ITIH5: variants seen among roughly 807,000 people sequenced by gnomAD.
ITIH5 encodes the protein inter-alpha-trypsin inhibitor heavy chain H5.
Under a neutral mutation model 77.5 loss-of-function variants are expected in ITIH5, and 65 were observed. The ratio of observed to expected loss-of-function variants is 0.84; its 90% confidence interval spans 0.69 to 1.03. ITIH5 has a LOEUF of 1.03. Among genes scored for constraint, ITIH5 ranks in the 50% least tolerant of loss-of-function variants. ITIH5 has a pLI of 0.00. For synonymous variants in ITIH5, 525 were observed against 494.3 expected (o/e 1.06, Z -0.82); for missense variants, 1,208 against 1,213.1 (o/e 1.00, Z 0.06).
chr10:7,612,592 T>C (rs549870305), intron 7 of ITIH5, among the ~76,000 whole-genome samples: 1 of 151,162 alleles, frequency 6.6e-6, no homozygotes, highest in South Asian at 2.1e-4. Context: ...AATTTAATCA[T>C]AAATATCTTC....
chr10:7,640,703 G>T, intron 4 of ITIH5, 51 bp downstream of exon 4: 2 of 1,140,008 alleles, frequency 1.8e-6, no homozygotes, highest in Non-Finnish European at 1.3e-6. Context: ...CATAGAAAAT[G>T]TGGCACTTTG....
Position 7,616,060 on chromosome 10 carries a change from T to C in ITIH5, c.861A>G (p.Lys287=). 1 of 1,613,082 alleles carries C rather than the reference T, an allele frequency of 6.2e-7. No homozygotes were observed. The highest frequency in any genetic ancestry group is 1.1e-5 in the South Asian group (1 of 91,026). ...NGYFVHYFAP[K]DLPPLPKNVV... is the part of the protein sequence containing the mutation. ...CATTCTTGGGTAAAGGAGGAAGGTCTTTAGGAGCAAAGTAGTGCACAAAAT... is the reference window on the plus strand; with the variant it reads ...CATTCTTGGGTAAAGGAGGAAGGTCCTTAGGAGCAAAGTAGTGCACAAAAT... Residue 287 remains lysine, a synonymous_variant, in exon 7 of 14, where the codon AAA becomes AAG. Transcript: ENST00000397146.
chr10:7,570,155 C>A (rs1388116379), intron 11 of ITIH5: 1 of 161,724 alleles, frequency 6.2e-6, no homozygotes, highest in African/African-American at 2.4e-5. Context: ...GGGGGACATC[C>A]CTTGCTATTT....
At chr10:7,602,475 T>G (rs928124143) in intron 7 of ITIH5, among the ~76,000 whole-genome samples, 1 of 152,198 alleles carries the variant, frequency 6.6e-6, no homozygotes, top group Non-Finnish European at 1.5e-5. Context: ...GCTGTTCTCA[T>G]GATAATGAGT....
intron 7 of ITIH5, among the ~76,000 whole-genome samples, chr10:7,589,592 G>T (rs1340689674): frequency 6.6e-6 from 1 of 151,956 alleles, no homozygotes; most frequent in African/African-American, 2.4e-5. Context: ...AACAGCAATG[G>T]AGTGCTCCTT....
chr10:7,624,784 T>TA (rs112757694), intron 5 of ITIH5, among the ~76,000 whole-genome samples: 1,442 of 31,768 alleles, frequency 0.045, 111 homozygotes, highest in African/African-American at 0.14. Flanking sequence ...AGACTCTGCC[T>TA]AAAAAAAAAA....
At chr10:7,652,397 A>C (rs1167798562) in intron 2 of ITIH5, among the ~76,000 whole-genome samples, 2 of 152,124 alleles carry the variant, frequency 1.3e-5, no homozygotes, top group Non-Finnish European at 2.9e-5. Flanking sequence ...CGCATCACGC[A>C]GGGTTTCACA....
intron 7 of ITIH5, among the ~76,000 whole-genome samples, chr10:7,604,156 G>C (rs1476533656): frequency 1.3e-5 from 2 of 152,120 alleles, no homozygotes; most frequent in Non-Finnish European, 1.5e-5. Context: ...ATGCTTCCAG[G>C]CTATTTGATT....
Position 7,629,457 on chromosome 10 carries a change from A to C in ITIH5, c.652+7771T>G, listed in dbSNP as rs202122352. Among the ~76,000 whole-genome samples, 5 of 140,008 alleles carry C rather than the reference A, an allele frequency of 3.6e-5. No individual in the cohort carries two copies. In the East Asian group the frequency reaches 1.1e-3, roughly 30 times the overall value. 91.9% of individuals were successfully genotyped at this position (140,008 alleles called of 152,430 possible). ...TGTTGTGGCATGCATCCATGTTATC[A>C]TATGTATCTGTGTTTTCGCATGTGT... On this transcript the variant is annotated intron_variant, in intron 5 of 13. Coordinates refer to ENST00000397146, the MANE Select transcript of ITIH5 (RefSeq NM_030569.7).
Position 7,565,410 on chromosome 10 carries a change from TAGAC to T in ITIH5, c.2527+616_2527+619del, listed in dbSNP as rs201168563. On this transcript the variant is annotated intron_variant, in intron 13 of 13. Coordinates refer to ENST00000397146, the MANE Select transcript of ITIH5 (RefSeq NM_030569.7). ...TACACACATATCATGCACACATACA[TAGAC>T]AGTATACATACATATATACACATAG... 5.5e-3 allele frequency among the ~76,000 whole-genome samples: 811 copies of T among 147,300 alleles called. 11 individuals are homozygous for T. Among genetic ancestry groups the T allele is most frequent in the African/African-American group, 0.02 (772 of 38,488 alleles).
At chr10:7,628,490 T>C (rs960129467) in intron 5 of ITIH5, among the ~76,000 whole-genome samples, 3 of 147,264 alleles carry the variant, frequency 2.0e-5, no homozygotes, top group Admixed American at 6.9e-5. Context: ...GTGTCTGTGT[T>C]ATAGTGTGTA....
At chr10:7,565,083 T>TAC (rs60129280) in intron 13 of ITIH5, among the ~76,000 whole-genome samples, 8 of 136,156 alleles carry the variant, frequency 5.9e-5, no homozygotes, top group African/African-American at 2.6e-4. Flanking sequence ...TATATATATA[T>TAC]ACACACACAC....
In ITIH5 at chr10:7,559,847, T is replaced by TG. The variant is rs1355451031; in HGVS notation, c.*3235_*3236insC. 1 of 443,480 alleles carries TG rather than the reference T, an allele frequency of 2.3e-6. No individual in the cohort carries two copies. The highest frequency in any genetic ancestry group is 2.2e-5 in the African/African-American group (1 of 45,240). 27.5% of individuals were successfully genotyped at this position (443,480 alleles called of 1,614,324 possible). Reference sequence around the variant, plus strand: ...AAAACACCATCTCTCCCATGTCTTTTTTTTGTTTTGTTTTGTTTTTTTTTG... The same window carrying TG: ...AAAACACCATCTCTCCCATGTCTTTTGTTTTGTTTTGTTTTGTTTTTTTTTG... On this transcript the variant is annotated 3_prime_UTR_variant, in exon 14 of 14. Transcript: ENST00000397146.
rs1313695949 is a variant in ITIH5, at chr10:7,572,043, G to A, written c.2032+1099C>T. 3 of 1,011,042 alleles carry A rather than the reference G, an allele frequency of 3.0e-6. No homozygotes were observed. In the East Asian group the frequency reaches 2.9e-4, roughly 97 times the overall value. 62.6% of individuals were successfully genotyped at this position (1,011,042 alleles called of 1,614,324 possible). A position where few individuals can be genotyped will look rare whatever the true frequency, so the allele number is the denominator to read the frequency against. On this transcript the variant is annotated intron_variant, in intron 11 of 13. Coordinates refer to ENST00000397146, the MANE Select transcript of ITIH5 (RefSeq NM_030569.7). Reference sequence around the variant, plus strand: ...GAAAGATAGTGCTTGCTCCAAAAAAGAGGGGAGGGTCAAAAAGTCATTACT... The same window carrying A: ...GAAAGATAGTGCTTGCTCCAAAAAAAAGGGGAGGGTCAAAAAGTCATTACT...
chr10:7,614,765 AAAG>A (rs1295495193), intron 7 of ITIH5, among the ~76,000 whole-genome samples: 1 of 152,230 alleles, frequency 6.6e-6, no homozygotes, highest in East Asian at 1.9e-4. Flanking sequence ...ATAAATGGCC[AAAG>A]AAGCCATTTA....
chr10:7,666,743 G>C (rs1834367917), intron 1 of ITIH5, 60 bp downstream of exon 1: 1 of 1,416,358 alleles, frequency 7.1e-7, no homozygotes, highest in East Asian at 2.4e-5. Flanking sequence ...TCCGCGGCCG[G>C]GCCGGCGGAG....
rs987008363 is a variant in ITIH5 at position 7,561,636 on chromosome 10, C to G, written c.*1447G>C. On this transcript the variant is annotated 3_prime_UTR_variant, in exon 14 of 14. Transcript: ENST00000397146. ...CGCTAACTTGTTCCCGAAGCCGCTGCGTCCGACAGGAACACGTGGATGTCA... is the reference window on the plus strand; with the variant it reads ...CGCTAACTTGTTCCCGAAGCCGCTGGGTCCGACAGGAACACGTGGATGTCA... 2.6e-5 allele frequency: 4 copies of G among 152,254 alleles called. No homozygotes were observed. The highest frequency in any genetic ancestry group is 9.6e-5 in the African/African-American group (4 of 41,468). 9.4% of individuals were successfully genotyped at this position (152,254 alleles called of 1,614,324 possible).
intron 8 of ITIH5, among the ~76,000 whole-genome samples, chr10:7,580,638 A>G (rs1832531484): frequency 6.6e-6 from 1 of 152,202 alleles, no homozygotes; most frequent in Non-Finnish European, 1.5e-5. Flanking sequence ...CTCTTCTGAG[A>G]ATGGCTTTGA....
At position 7,628,721 on chromosome 10, in the gene ITIH5, G is replaced by A. The variant is rs535169097; in HGVS notation, c.652+8507C>T. Among the ~76,000 whole-genome samples, 127 of 120,274 alleles carry A rather than the reference G, an allele frequency of 1.1e-3. 12 individuals are homozygous for A. The highest frequency in any genetic ancestry group is 1.5e-3 in the Non-Finnish European group (95 of 61,482). The allele number at this position is 120,274 out of a possible 152,430, so 78.9% of individuals were successfully genotyped here. A position where few individuals can be genotyped will look rare whatever the true frequency, so the allele number is the denominator to read the frequency against. On this transcript the variant is annotated intron_variant, in intron 5 of 13. Coordinates refer to ENST00000397146, the MANE Select transcript of ITIH5 (RefSeq NM_030569.7). The stretch of plus-strand genomic sequence containing the variant: ...TTGCAGCGTGTGTCCATGTTGTAGC[G>A]TGTGTCCATGTTGCAGCGTGTGTCC...
Sources: gnomAD v4.1 joint callset for allele counts (sites outside exome capture counted in the v4.1 genomes callset) on GRCh38, gnomAD v4.1.1 for gene constraint, MANE v1.5 for transcripts, NCBI Gene and HGNC (gene_info 2026-07-23, HGNC 2026-07-21) for gene names.